Variants in RBFOX1 observed in about 807,000 individuals in gnomAD.
RBFOX1 encodes RNA binding protein fox-1 homolog 1.
A neutral mutation model predicts 57.7 loss-of-function variants in RBFOX1; 8 were observed. The observed-to-expected ratio is 0.14, with a 90% CI of 0.08 to 0.25. RBFOX1 has a LOEUF of 0.25. Ranked by LOEUF, RBFOX1 falls within the 10% of genes least tolerant of loss-of-function variation. RBFOX1 has a pLI of 1.00. For missense variants in RBFOX1, 611 were observed against 548.5 expected, an observed-to-expected ratio of 1.11 and a Z score of -1.14; for synonymous variants, 326 against 222.4, an observed-to-expected ratio of 1.47 and a Z score of -4.15.
Position 6,744,053 on chromosome 16 carries a change from G to A in RBFOX1, c.-16+89403G>A, listed in dbSNP as rs193038442. Among the ~76,000 whole-genome samples, 134 of 152,068 alleles carry A rather than the reference G, an allele frequency of 8.8e-4. 1 individual carries two copies. Among genetic ancestry groups the A allele is most frequent in the African/African-American group, 3.0e-3 (125 of 41,486 alleles). On this transcript the variant is annotated intron_variant, in intron 3 of 15. Transcript: ENST00000550418. The stretch of plus-strand genomic sequence containing the variant: ...TCCTTTAAAAAGTAATAAAGATACA[G>A]AATGTGATCACTAATCTAAAGAATA...
intron 3 of RBFOX1, among the ~76,000 whole-genome samples, chr16:6,761,765 A>G (rs1333741986): frequency 1.3e-5 from 2 of 151,716 alleles, no homozygotes; most frequent in Non-Finnish European, 2.9e-5. Flanking sequence ...TCGGCCCCCT[A>G]AAGTGCTGGG....
intron 3 of RBFOX1, among the ~76,000 whole-genome samples, chr16:6,732,857 CTT>C (rs1343258566): frequency 1.3e-5 from 2 of 152,132 alleles, no homozygotes; most frequent in Non-Finnish European, 2.9e-5. Flanking sequence ...ATTATGTAAA[CTT>C]TTCACAACAA....
intron 1 of RBFOX1, among the ~76,000 whole-genome samples, chr16:5,300,699 C>A (rs1232571573): frequency 2.6e-5 from 4 of 152,008 alleles, no homozygotes; most frequent in Non-Finnish European, 5.9e-5. Flanking sequence ...TAAAACTTTT[C>A]ATATTTTCTA....
At chr16:7,046,423 C>T (rs926960475) in intron 3 of RBFOX1, among the ~76,000 whole-genome samples, 1 of 151,968 alleles carries the variant, frequency 6.6e-6, no homozygotes. Context: ...ACCTTATCAC[C>T]CATGTTAATT....
chr16:7,647,194 G>A (rs1473083383), intron 11 of RBFOX1, among the ~76,000 whole-genome samples: 1 of 152,150 alleles, frequency 6.6e-6, no homozygotes, highest in Non-Finnish European at 1.5e-5. Flanking sequence ...AATATGCTCT[G>A]TATATAAATC....
At chr16:7,433,170 G>C (rs949517873) in intron 4 of RBFOX1, among the ~76,000 whole-genome samples, 1 of 152,030 alleles carries the variant, frequency 6.6e-6, no homozygotes, top group Non-Finnish European at 1.5e-5. Context: ...TTTCCTTCTG[G>C]GACTTCTTAG....
chr16:6,683,059 G>A (rs1012628048), intron 3 of RBFOX1, among the ~76,000 whole-genome samples: 70 of 152,140 alleles, frequency 4.6e-4, no homozygotes, highest in Middle Eastern at 3.4e-3. Flanking sequence ...AGAGGAATGC[G>A]TGTGATACAA....
At chr16:6,691,314 C>T (rs115113007) in intron 3 of RBFOX1, among the ~76,000 whole-genome samples, 3 of 152,060 alleles carry the variant, frequency 2.0e-5, no homozygotes, top group Non-Finnish European at 4.4e-5. Context: ...GCTTTAAGCC[C>T]GTAATAAACA....
chr16:6,105,655 A>G (rs1597359091), intron 1 of RBFOX1, among the ~76,000 whole-genome samples: 1 of 151,066 alleles, frequency 6.6e-6, no homozygotes, highest in African/African-American at 2.4e-5. Flanking sequence ...ACTATGTACT[A>G]ATTGAGAAAA....
chr16:6,164,330 C>G (rs1329172446), intron 1 of RBFOX1, among the ~76,000 whole-genome samples: 1 of 152,108 alleles, frequency 6.6e-6, no homozygotes, highest in Non-Finnish European at 1.5e-5. Flanking sequence ...AACTACATTT[C>G]TGAAAGCTAA....
At chr16:6,899,093 GT>G (rs1330755394) in intron 3 of RBFOX1, among the ~76,000 whole-genome samples, 1 of 151,348 alleles carries the variant, frequency 6.6e-6, no homozygotes. Flanking sequence ...CGTGTATAAT[GT>G]GTGTACATCT....
At chr16:5,873,381 A>C (rs558020227) in intron 4 of RBFOX1, among the ~76,000 whole-genome samples, 1 of 152,278 alleles carries the variant, frequency 6.6e-6, no homozygotes, top group African/African-American at 2.4e-5. Context: ...GATCAGCAGT[A>C]CTTTCCAATG....
At chr16:7,657,742 G>T (rs2066680192) in intron 12 of RBFOX1, among the ~76,000 whole-genome samples, 1 of 152,160 alleles carries the variant, frequency 6.6e-6, no homozygotes, top group African/African-American at 2.4e-5. Flanking sequence ...AACCTCTTGG[G>T]ACATTAACAC....
At chr16:6,611,685 CT>C (rs1448075658) in intron 2 of RBFOX1, among the ~76,000 whole-genome samples, 1 of 152,172 alleles carries the variant, frequency 6.6e-6, no homozygotes, top group African/African-American at 2.4e-5. Context: ...ATGATTCCGG[CT>C]TACCTTGTCC....
At chr16:5,905,424 A>G (rs1329734974) in intron 4 of RBFOX1, among the ~76,000 whole-genome samples, 1 of 152,056 alleles carries the variant, frequency 6.6e-6, no homozygotes, top group Non-Finnish European at 1.5e-5. Context: ...GTGAAGACAC[A>G]CAGAAGGCCA....
intron 1 of RBFOX1, among the ~76,000 whole-genome samples, chr16:5,452,439 C>G (rs2068455847): frequency 6.6e-6 from 1 of 152,010 alleles, no homozygotes; most frequent in African/African-American, 2.4e-5. Flanking sequence ...CCTCTCACAT[C>G]TGATTGTCAC....
chr16:6,156,161 A>G (rs1237700950), intron 1 of RBFOX1, among the ~76,000 whole-genome samples: 1 of 152,190 alleles, frequency 6.6e-6, no homozygotes, highest in Non-Finnish European at 1.5e-5. Context: ...TTTAAGAATC[A>G]GTGTCCCTTT....
At chr16:5,386,492 C>T (rs1321648430) in intron 1 of RBFOX1, among the ~76,000 whole-genome samples, 3 of 152,142 alleles carry the variant, frequency 2.0e-5, no homozygotes, top group Admixed American at 6.6e-5. Context: ...CCGATATTTT[C>T]TGCTTTCCCC....
At chr16:6,620,609 G>T (rs1043040927) in intron 2 of RBFOX1, among the ~76,000 whole-genome samples, 4 of 151,998 alleles carry the variant, frequency 2.6e-5, no homozygotes, top group Admixed American at 1.3e-4. Context: ...CGATTAGCTA[G>T]ATGAATAAAG....
Sources: allele counts gnomAD v4.1 joint callset (sites outside exome capture counted in the v4.1 genomes callset), GRCh38; gene constraint gnomAD v4.1.1; transcripts MANE v1.5; gene names NCBI Gene and HGNC (gene_info 2026-07-23, HGNC 2026-07-21).